CALCR: variants seen among roughly 807,000 people sequenced by gnomAD.
The protein encoded by CALCR is calcitonin receptor.
A neutral mutation model predicts 59.5 loss-of-function variants in CALCR; 47 were observed. That is an observed-to-expected ratio of 0.79 (90% confidence interval 0.63 to 1.01). CALCR has a LOEUF of 1.01. Among genes scored for constraint, CALCR ranks in the 50% least tolerant of loss-of-function variants. CALCR has a pLI of 0.00. For missense variants in CALCR, 566 were observed against 597.1 expected (o/e 0.95, Z 0.54); for synonymous variants, 213 against 211.3 (o/e 1.01, Z -0.07).
intron 2 of CALCR, among the ~76,000 whole-genome samples, chr7:93,514,960 C>G (rs1386536095): frequency 6.6e-6 from 1 of 151,998 alleles, no homozygotes; most frequent in African/African-American, 2.4e-5. Context: ...AACTGTACCA[C>G]TCACTTAATT....
At chr7:93,463,425 A>C (rs991200789) in intron 7 of CALCR, among the ~76,000 whole-genome samples, 3 of 151,978 alleles carry the variant, frequency 2.0e-5, no homozygotes, top group African/African-American at 7.2e-5. Context: ...GAAAGTTTTA[A>C]TATAATTTTT....
chr7:93,508,314 A>C (rs1299802706), intron 2 of CALCR, among the ~76,000 whole-genome samples: 1 of 152,246 alleles, frequency 6.6e-6, no homozygotes, highest in Admixed American at 6.5e-5. Context: ...AGCAAAAAGT[A>C]GTATATTTTC....
At position 93,446,606 on chromosome 7, in the gene CALCR, C is replaced by T. The variant is rs370298800; in HGVS notation, c.649-2849G>A. ...ATGAATAAGATATTGTCATATAGCC[C>T]CTGACTTAATTATAACCTTTCTGTC... On this transcript the variant is annotated intron_variant, in intron 8 of 13. Transcript: ENST00000426151. Among the ~76,000 whole-genome samples the T allele has an allele frequency of 2.7e-4, 41 of 152,032 alleles. No homozygotes were observed. The South Asian group carries it at 7.5e-3, about 28-fold the overall frequency.
At chr7:93,434,627 A>T (rs1406751024) in intron 12 of CALCR, among the ~76,000 whole-genome samples, 1 of 152,148 alleles carries the variant, frequency 6.6e-6, no homozygotes, top group East Asian at 1.9e-4. Flanking sequence ...AAATTTAAAA[A>T]TGGAGACCTT....
chr7:93,508,318 TA>T (rs1450129973), intron 2 of CALCR, among the ~76,000 whole-genome samples: 1 of 152,232 alleles, frequency 6.6e-6, no homozygotes, highest in African/African-American at 2.4e-5. Flanking sequence ...AAAAGTAGTA[TA>T]TTTTCCAGTT....
chr7:93,434,755 G>A (rs1169984552), intron 12 of CALCR, among the ~76,000 whole-genome samples: 1 of 152,110 alleles, frequency 6.6e-6, no homozygotes, highest in Non-Finnish European at 1.5e-5. Flanking sequence ...CAAGTTCATC[G>A]CTCAGATAAG....
At position 93,486,966 on chromosome 7, in the gene CALCR, T is replaced by C; in HGVS notation, c.16A>G (p.Thr6Ala). MRFTF[T>A]SRCLALFLLL... ...AGAAACAGTGCCAAGCACCGGCTTGTAAATGTGAACCTCATTTTTGATTTT... is the reference window on the plus strand; with the variant it reads ...AGAAACAGTGCCAAGCACCGGCTTGCAAATGTGAACCTCATTTTTGATTTT... The change falls in exon 3 of 14, where the codon ACA becomes GCA. Residue 6 changes from threonine to alanine, a missense_variant. By Grantham distance (58) the Thr-to-Ala change is moderately conservative. Transcript: ENST00000426151. 1 of 1,601,752 alleles carries C rather than the reference T, an allele frequency of 6.2e-7. No individual in the cohort carries two copies. The highest frequency in any genetic ancestry group is 8.5e-7 in the Non-Finnish European group (1 of 1,171,438).
At chr7:93,454,983 A>C (rs1800181943) in intron 8 of CALCR, among the ~76,000 whole-genome samples, 1 of 151,268 alleles carries the variant, frequency 6.6e-6, no homozygotes, top group Non-Finnish European at 1.5e-5. Context: ...CAAAATAATA[A>C]CCAAAGAAAA....
chr7:93,444,626 A>C (rs1387878305), intron 8 of CALCR, among the ~76,000 whole-genome samples: 1 of 152,050 alleles, frequency 6.6e-6, no homozygotes, highest in East Asian at 1.9e-4. Context: ...TTGACAATCA[A>C]AAATGTCTCC....
chr7:93,522,225 T>C (rs1176055115), intron 2 of CALCR, among the ~76,000 whole-genome samples: 2 of 152,208 alleles, frequency 1.3e-5, no homozygotes, highest in African/African-American at 4.8e-5. Context: ...CTAGCAAAGA[T>C]ATAAAGAAAA....
intron 8 of CALCR, among the ~76,000 whole-genome samples, chr7:93,457,648 G>A (rs990857387): frequency 2.0e-4 from 31 of 152,074 alleles, no homozygotes; most frequent in African/African-American, 6.5e-4. Context: ...ACTTTCCTAC[G>A]GTTTCTACTC....
chr7:93,557,762 G>A (rs1789645608), intron 2 of CALCR, among the ~76,000 whole-genome samples: 1 of 151,834 alleles, frequency 6.6e-6, no homozygotes, highest in Admixed American at 6.6e-5. Context: ...TATCTGCTTT[G>A]AATTTTCTGT....
At chr7:93,528,104 TCCAAAAGGTAAGTG>T (rs1788718643) in intron 2 of CALCR, among the ~76,000 whole-genome samples, 1 of 152,122 alleles carries the variant, frequency 6.6e-6, no homozygotes, top group South Asian at 2.1e-4. Context: ...CTTTGATTAG[TCCAAAAGGTAAGTG>T]CATGTTTAAA....
intron 5 of CALCR, among the ~76,000 whole-genome samples, chr7:93,474,134 T>G (rs1800615263): frequency 6.6e-6 from 1 of 151,794 alleles, no homozygotes; most frequent in Non-Finnish European, 1.5e-5. Flanking sequence ...TGTTCTGTAT[T>G]TTGCTTAATT....
rs191834801 is a variant in CALCR, at chr7:93,564,116, C to A, written c.-27+10173G>T. Reference sequence around the variant, plus strand: ...TTTAGAAAGTAGAAATTACACATTTCTGGGAATCTGGGTTTGATCAAAGTT... The same window carrying A: ...TTTAGAAAGTAGAAATTACACATTTATGGGAATCTGGGTTTGATCAAAGTT... On this transcript the variant is annotated intron_variant, in intron 2 of 13. Transcript: ENST00000426151. 2.1e-3 allele frequency among the ~76,000 whole-genome samples: 323 copies of A among 152,048 alleles called. 4 individuals carry two copies. Among genetic ancestry groups the A allele is most frequent in the African/African-American group, 7.5e-3 (310 of 41,482 alleles).
At chr7:93,533,222 G>A (rs769554182) in intron 2 of CALCR, among the ~76,000 whole-genome samples, 4 of 151,756 alleles carry the variant, frequency 2.6e-5, no homozygotes, top group Non-Finnish European at 4.4e-5. Context: ...AGAACATGTC[G>A]ACAATATTAG....
chr7:93,525,919 G>A (rs1199326839), intron 2 of CALCR, among the ~76,000 whole-genome samples: 4 of 152,134 alleles, frequency 2.6e-5, no homozygotes, highest in African/African-American at 4.8e-5. Flanking sequence ...AGTGGAACAC[G>A]TGAGCACTAT....
intron 8 of CALCR, among the ~76,000 whole-genome samples, chr7:93,456,809 A>G (rs1800218625): frequency 6.6e-6 from 1 of 152,150 alleles, no homozygotes; most frequent in African/African-American, 2.4e-5. Context: ...AACATACTTT[A>G]AGAATGCCTA....
At chr7:93,526,668 G>A (rs1181904825) in intron 2 of CALCR, among the ~76,000 whole-genome samples, 2 of 152,018 alleles carry the variant, frequency 1.3e-5, no homozygotes, top group African/African-American at 2.4e-5. Context: ...ATTAAGGCAG[G>A]TCATAACATT....
Sources: gnomAD v4.1 joint callset for allele counts (sites outside exome capture counted in the v4.1 genomes callset) on GRCh38, gnomAD v4.1.1 for gene constraint, MANE v1.5 for transcripts, NCBI Gene and HGNC (gene_info 2026-07-23, HGNC 2026-07-21) for gene names.